Variants in LINGO1 observed in about 807,000 individuals in gnomAD.
LINGO1 encodes the protein leucine-rich repeat and immunoglobulin-like domain-containing nogo receptor-interacting protein 1.
LINGO1 carries 11 observed loss-of-function variants against 37.3 expected under a neutral mutation model. The ratio of observed to expected loss-of-function variants is 0.29; its 90% CI spans 0.19 to 0.49. LINGO1 has a LOEUF of 0.49. LINGO1 is among the 20% of genes least tolerant of loss of function. The probability of loss-of-function intolerance (pLI) is 0.99; values close to 1 mark genes in which losing one functional copy is unlikely to be tolerated. For synonymous variants in LINGO1, 387 were observed against 403.0 expected, an observed-to-expected ratio of 0.96 and a Z score of 0.48; for missense variants, 585 against 878.2, an observed-to-expected ratio of 0.67 and a Z score of 4.22.
intron 1 of LINGO1, among the ~76,000 whole-genome samples, chr15:77,777,109 C>T (rs190780519): frequency 3.9e-5 from 6 of 152,334 alleles, no homozygotes; most frequent in African/African-American, 7.2e-5. Context: ...GGAGGAAGCT[C>T]AGGAGCTGGG....
chr15:77,614,267 G>A lies in LINGO1; in HGVS notation c.1640C>T (p.Thr547Ile). ...GEGEANSTRATVPFPFDIKTL... is the reference protein window; with the variant it reads ...GEGEANSTRAIVPFPFDIKTL... ...CTTGATGTCGAAGGGGAAAGGCACA[G>A]TGGCGCGGGTGCTGTTGGCCTCTCC... The change falls in exon 2 of 2, where the codon ACT becomes ATT. Residue 547 changes from threonine (T) to isoleucine (I), a missense_variant. By Grantham distance (89) the Thr-to-Ile change is moderately conservative (BLOSUM62 -1). Transcript: ENST00000355300. 6.2e-7 allele frequency: 1 copy of A among 1,614,074 alleles called. No homozygotes were observed. Among genetic ancestry groups the A allele is most frequent in the Non-Finnish European group, 8.5e-7 (1 of 1,179,902 alleles).
intron 3 of LINGO1, among the ~76,000 whole-genome samples, chr15:77,672,831 G>A (rs2075273332): frequency 1.3e-5 from 2 of 152,124 alleles, no homozygotes; most frequent in African/African-American, 4.8e-5. Context: ...CACACTGAAG[G>A]TAACTGTGTC....
chr15:77,627,741 C>T (rs2074136985), intron 1 of LINGO1, among the ~76,000 whole-genome samples: 1 of 152,198 alleles, frequency 6.6e-6, no homozygotes, highest in South Asian at 2.1e-4. Context: ...CTGGAATTTG[C>T]TGTCCTTTGT....
chr15:77,709,925 T>A (rs190649196), intron 2 of LINGO1, among the ~76,000 whole-genome samples: 1 of 152,234 alleles, frequency 6.6e-6, no homozygotes, highest in Non-Finnish European at 1.5e-5. Flanking sequence ...CCACACGGTG[T>A]CCCCAGACCT....
At chr15:77,623,931 G>GGC (rs2074006861) in intron 1 of LINGO1, among the ~76,000 whole-genome samples, 3 of 127,388 alleles carry the variant, frequency 2.4e-5, no homozygotes, top group African/African-American at 8.3e-5. Context: ...TGTGTGTGTG[G>GGC]ACTGTGTATG....
chr15:77,673,545 C>G (rs935512561), intron 3 of LINGO1, among the ~76,000 whole-genome samples: 1 of 152,194 alleles, frequency 6.6e-6, no homozygotes, highest in Non-Finnish European at 1.5e-5. Context: ...GACATACATG[C>G]CTGGTTCCTT....
At chr15:77,791,924 G>A (rs1231638013), upstream of LINGO1, among the ~76,000 whole-genome samples, 1 of 151,994 alleles carries the variant, frequency 6.6e-6, no homozygotes, top group African/African-American at 2.4e-5. Flanking sequence ...AGCCCACCCA[G>A]AAGCAGGAAG....
intron 2 of LINGO1, among the ~76,000 whole-genome samples, chr15:77,721,205 G>C (rs942087422): frequency 6.6e-6 from 1 of 151,340 alleles, no homozygotes; most frequent in Admixed American, 6.6e-5. Flanking sequence ...CATGGCCCTC[G>C]TGAGACCCGG....
chr15:77,729,572 G>A (rs71407224), intron 2 of LINGO1, among the ~76,000 whole-genome samples: 1 of 152,198 alleles, frequency 6.6e-6, no homozygotes, highest in Non-Finnish European at 1.5e-5. Context: ...TGCAGGAAGA[G>A]GATCTCCCTG....
intron 3 of LINGO1, among the ~76,000 whole-genome samples, chr15:77,641,469 G>A (rs993754550): frequency 4.6e-5 from 7 of 152,192 alleles, no homozygotes; most frequent in Non-Finnish European, 8.8e-5. Context: ...GACCCAGGGC[G>A]GCTGCTTGTC....
At chr15:77,722,838 G>A (rs1316959741) in intron 2 of LINGO1, among the ~76,000 whole-genome samples, 2 of 152,176 alleles carry the variant, frequency 1.3e-5, no homozygotes, top group Non-Finnish European at 2.9e-5. Flanking sequence ...AAGGGCACCC[G>A]ATGGATGCTC....
rs1190630770 is a variant in LINGO1, at chr15:77,774,904, C to T, written c.-257+11965G>A. Among the ~76,000 whole-genome samples, 3 of 152,190 alleles carry T rather than the reference C, an allele frequency of 2.0e-5. No homozygotes were observed. The South Asian group carries it at 6.2e-4, about 31-fold the overall frequency. Reference sequence around the variant, plus strand: ...GTGTTCTCCCTCCACAGCCCTGCACCTTCACAGCCTCAGTACTCCTGCATC... The same window carrying T: ...GTGTTCTCCCTCCACAGCCCTGCACTTTCACAGCCTCAGTACTCCTGCATC... On this transcript the variant is annotated intron_variant, in intron 1 of 3. Transcript: ENST00000561686.
chr15:77,811,742 TTA>T lies in LINGO1; in HGVS notation c.-458+8514_-458+8515del, dbSNP rs2077007456. Among the ~76,000 whole-genome samples the T allele has an allele frequency of 2.0e-5, 3 of 152,244 alleles. No homozygotes were observed. The South Asian group carries it at 6.2e-4, about 31-fold the overall frequency. ...CCACTTAAGATTAGGCAGAAATATT[TTA>T]TCTTATTTTTTAGAGATGGATGCTG... On this transcript the variant is annotated intron_variant, in intron 1 of 5. Transcript: ENST00000562933.
intron 3 of LINGO1, among the ~76,000 whole-genome samples, chr15:77,651,088 C>T (rs1407092029): frequency 6.6e-6 from 1 of 152,136 alleles, no homozygotes; most frequent in Non-Finnish European, 1.5e-5. Flanking sequence ...GGCAGATTCA[C>T]GCATTTGGGT....
intron 3 of LINGO1, among the ~76,000 whole-genome samples, chr15:77,664,170 T>TGTGTGTGTGTGTGTGTGTGTGCGCGCGC: frequency 5.3e-5 from 7 of 131,004 alleles, no homozygotes; most frequent in African/African-American, 2.6e-4. Context: ...TGTGTGTGTG[T>TGTGTGTGTGTGTGTGTGTGTGCGCGCGC]GCGCGCGCGC....
rs567457263 is a variant in LINGO1 at position 77,615,808 on chromosome 15, T to C, written c.99A>G (p.Ser33=). The change falls in exon 2 of 2, where the codon TCA becomes TCG. Residue 33 remains serine, a synonymous_variant. Coordinates refer to ENST00000355300, the MANE Select transcript of LINGO1 (RefSeq NM_032808.7). ...WQPILLLVLG[S]VLSGSATGCP... ...AGCCCGTGGCCGAGCCTGACAGCAC[T>C]GAGCCCAGCACCAGCAGGAGGATGG... 1.9e-6 allele frequency: 3 copies of C among 1,554,210 alleles called. No individual in the cohort carries two copies. Among genetic ancestry groups the C allele is most frequent in the East Asian group, 4.6e-5 (2 of 43,556 alleles).
At chr15:77,789,894 C>T (rs2076804906), upstream of LINGO1, among the ~76,000 whole-genome samples, 1 of 152,114 alleles carries the variant, frequency 6.6e-6, no homozygotes, top group South Asian at 2.1e-4. Context: ...CAAGCAGCCT[C>T]CCAAGTAGCT....
In LINGO1 at chr15:77,615,694, G is replaced by A. The variant is rs754883713; in HGVS notation, c.213C>T (p.Thr71=). The change falls in exon 2 of 2, where the codon ACC becomes ACT. Residue 71 remains threonine (T), a synonymous_variant. Transcript: ENST00000355300. Reference sequence around the variant, plus strand: ...TGCCTAGGTCCAGCAGGCGCGTCTCGGTGGGGATGCCCTCGGGGACTGCCA... The same window carrying A: ...TGCCTAGGTCCAGCAGGCGCGTCTCAGTGGGGATGCCCTCGGGGACTGCCA... ...RFVAVPEGIP[T]ETRLLDLGKN... The A allele has an allele frequency of 4.1e-5, 65 of 1,604,488 alleles. No individual in the cohort carries two copies. Among genetic ancestry groups the A allele is most frequent in the Non-Finnish European group, 4.8e-5 (57 of 1,175,600 alleles).
intron 1 of LINGO1, among the ~76,000 whole-genome samples, chr15:77,779,582 T>C (rs1321849122): frequency 6.6e-6 from 1 of 151,990 alleles, no homozygotes; most frequent in Non-Finnish European, 1.5e-5. Context: ...ATCCCTCACA[T>C]GCGCAGTTCA....
Sources: gnomAD v4.1 joint callset for allele counts (sites outside exome capture counted in the v4.1 genomes callset) on GRCh38, gnomAD v4.1.1 for gene constraint, MANE v1.5 for transcripts, NCBI Gene and HGNC (gene_info 2026-07-23, HGNC 2026-07-21) for gene names.